Variants in DOCK4 observed in about 807,000 individuals in gnomAD.
DOCK4 encodes dedicator of cytokinesis 4.
In DOCK4, 97 loss-of-function variants were observed where a neutral mutation model predicts 268.1. The observed-to-expected ratio is 0.36, with a 90% confidence interval of 0.31 to 0.43. The LOEUF (loss-of-function observed/expected upper bound fraction) is 0.43. Ranked by LOEUF, DOCK4 falls within the 20% of genes least tolerant of loss-of-function variation. The pLI is 1.00. For missense variants in DOCK4, 2,145 were observed against 2,455.7 expected (o/e 0.87, Z 2.67); for synonymous variants, 954 against 887.2 (o/e 1.08, Z -1.34).
In DOCK4 at chr7:111,935,743, C is replaced by T. The variant is rs940449628; in HGVS notation, c.978-115G>A. On this transcript the variant is annotated intron_variant, in intron 11 of 52. Transcript: ENST00000428084. ...CACTATAATGTACCTCCTTGAGGTC[C>T]CCATCAACCTGCTGCAACTGACTGT... The T allele has an allele frequency of 1.8e-5, 15 of 828,984 alleles. No homozygotes were observed. In the Admixed American group the frequency reaches 3.4e-4, roughly 19 times the overall value. 51.4% of individuals were successfully genotyped at this position (828,984 alleles called of 1,614,324 possible). A position where few individuals can be genotyped will look rare whatever the true frequency, so the allele number is the denominator to read the frequency against.
intron 1 of DOCK4, among the ~76,000 whole-genome samples, chr7:112,131,204 G>A (rs1028995819): frequency 6.6e-6 from 1 of 152,154 alleles, no homozygotes; most frequent in African/African-American, 2.4e-5. Context: ...GATGAGATCA[G>A]CTCTCCATTC....
At chr7:112,114,103 A>G (rs897684140) in intron 1 of DOCK4, among the ~76,000 whole-genome samples, 4 of 152,072 alleles carry the variant, frequency 2.6e-5, no homozygotes, top group African/African-American at 9.7e-5. Context: ...TGCAGGGGCC[A>G]AATCCTGGAA....
intron 30 of DOCK4, among the ~76,000 whole-genome samples, chr7:111,802,037 A>G (rs1002305680): frequency 5.3e-5 from 8 of 152,066 alleles, no homozygotes; most frequent in African/African-American, 1.9e-4. Context: ...ACTCACTGAA[A>G]TATAAATTCA....
intron 1 of DOCK4, among the ~76,000 whole-genome samples, chr7:112,118,563 C>T (rs1468527985): frequency 6.6e-6 from 1 of 151,960 alleles, no homozygotes; most frequent in East Asian, 1.9e-4. Flanking sequence ...GCCAAAAAAG[C>T]CTTCCTTCTG....
At chr7:112,155,483 G>A (rs1053280333) in intron 1 of DOCK4, among the ~76,000 whole-genome samples, 3 of 152,180 alleles carry the variant, frequency 2.0e-5, no homozygotes, top group African/African-American at 7.2e-5. Flanking sequence ...GAAATACATA[G>A]TTCATAGCAT....
intron 16 of DOCK4, among the ~76,000 whole-genome samples, chr7:111,878,067 C>A (rs1192227159): frequency 2.0e-5 from 3 of 152,140 alleles, no homozygotes; most frequent in African/African-American, 7.2e-5. Context: ...ACAGGAAACA[C>A]AAGAGATAGA....
intron 16 of DOCK4, among the ~76,000 whole-genome samples, chr7:111,892,158 G>C (rs536045406): frequency 1.5e-4 from 23 of 152,262 alleles, no homozygotes; most frequent in African/African-American, 4.8e-4. Flanking sequence ...TAGATTATAA[G>C]AATGTTCATC....
chr7:111,740,687 C>T (rs1217177859), intron 47 of DOCK4, among the ~76,000 whole-genome samples: 7 of 130,438 alleles, frequency 5.4e-5, no homozygotes, highest in South Asian at 2.5e-4. Context: ...GAGCCAAGAT[C>T]GCACCACTGC....
intron 1 of DOCK4, chr7:112,023,613 G>T (rs970187233): frequency 2.2e-6 from 1 of 450,950 alleles, no homozygotes. Flanking sequence ...CAGTAATATT[G>T]AAGGGCTTTT....
chr7:112,041,651 C>A (rs1804370053), intron 1 of DOCK4, among the ~76,000 whole-genome samples: 1 of 152,152 alleles, frequency 6.6e-6, no homozygotes, highest in African/African-American at 2.4e-5. Context: ...GGGGGTAACA[C>A]AGGATTGAAA....
intron 1 of DOCK4, among the ~76,000 whole-genome samples, chr7:112,164,921 C>T (rs1369863703): frequency 1.3e-5 from 2 of 152,116 alleles, no homozygotes; most frequent in African/African-American, 4.8e-5. Flanking sequence ...CCTGGTGAAA[C>T]ATAGAACTAT....
chr7:112,102,756 C>T lies in DOCK4; in HGVS notation c.38-98625G>A, dbSNP rs576090632. On this transcript the variant is annotated intron_variant, in intron 1 of 52. Coordinates refer to ENST00000428084, the MANE Select transcript of DOCK4 (RefSeq NM_001363540.2). ...GAGAAAATATTTGTTCTTTCAGCTG[C>T]CCAGTCTATGATATTTTTGTTATAG... Among the ~76,000 whole-genome samples, 4 of 152,268 alleles carry T rather than the reference C, an allele frequency of 2.6e-5. No individual in the cohort carries two copies. In the East Asian group the frequency reaches 5.8e-4, roughly 22 times the overall value.
At chr7:111,834,999 G>T (rs1447307568) in intron 25 of DOCK4, among the ~76,000 whole-genome samples, 1 of 152,014 alleles carries the variant, frequency 6.6e-6, no homozygotes. Flanking sequence ...GGCACCGAGG[G>T]TTTATGATCA....
At chr7:112,074,358 A>G (rs1183069629) in intron 1 of DOCK4, among the ~76,000 whole-genome samples, 1 of 152,224 alleles carries the variant, frequency 6.6e-6, no homozygotes, top group Admixed American at 6.5e-5. Flanking sequence ...GAAATAAATA[A>G]CACACAACTC....
At chr7:111,963,232 G>T (rs1797075984) in intron 8 of DOCK4, among the ~76,000 whole-genome samples, 1 of 151,912 alleles carries the variant, frequency 6.6e-6, no homozygotes, top group Non-Finnish European at 1.5e-5. Context: ...AACAGCTCCG[G>T]ACTACAGCTC....
intron 1 of DOCK4, among the ~76,000 whole-genome samples, chr7:112,075,400 C>G (rs1426504318): frequency 6.6e-6 from 1 of 152,272 alleles, no homozygotes; most frequent in African/African-American, 2.4e-5. Flanking sequence ...TGGTGCCACA[C>G]TGATGGTAAT....
At chr7:111,738,056 A>C (rs1003255676) in intron 49 of DOCK4, among the ~76,000 whole-genome samples, 22 of 152,026 alleles carry the variant, frequency 1.4e-4, no homozygotes, top group African/African-American at 5.3e-4. Flanking sequence ...GAAAAACAGA[A>C]ATTAGCTGGA....
intron 36 of DOCK4, among the ~76,000 whole-genome samples, chr7:111,771,962 A>G (rs1798149490): frequency 6.6e-6 from 1 of 152,186 alleles, no homozygotes; most frequent in Non-Finnish European, 1.5e-5. Context: ...TACCCCAGAG[A>G]CTAACTGATC....
At chr7:112,058,761 T>C (rs187677145) in intron 1 of DOCK4, among the ~76,000 whole-genome samples, 35 of 152,268 alleles carry the variant, frequency 2.3e-4, no homozygotes, top group South Asian at 1.0e-3. Flanking sequence ...AAAAAGAATC[T>C]GGGAGTGAGT....
Sources: gnomAD v4.1 joint callset for allele counts (sites outside exome capture counted in the v4.1 genomes callset) on GRCh38, gnomAD v4.1.1 for gene constraint, MANE v1.5 for transcripts, NCBI Gene and HGNC (gene_info 2026-07-23, HGNC 2026-07-21) for gene names.